Variants in FBLN7 observed in about 807,000 individuals in gnomAD.
FBLN7 encodes fibulin 7, also known as fibulin-7.
A neutral mutation model predicts 44.0 loss-of-function variants in FBLN7; 31 were observed. That is an observed-to-expected ratio of 0.70 (90% CI 0.53 to 0.95). The LOEUF is 0.95. Ranked by LOEUF, FBLN7 falls within the 40% of genes least tolerant of loss-of-function variation. The probability of loss-of-function intolerance (pLI) is 0.00; values close to 1 mark genes in which losing one functional copy is unlikely to be tolerated. For synonymous variants in FBLN7, 262 were observed against 253.4 expected (o/e 1.03, Z -0.32); for missense variants, 573 against 618.5 (o/e 0.93, Z 0.78).
the FBLN7 span, among the ~76,000 whole-genome samples, chr2:112,232,155 C>CA: frequency 6.6e-6 from 1 of 151,604 alleles, no homozygotes; most frequent in Admixed American, 6.6e-5. Flanking sequence ...ACTAAAAATC[C>CA]AAAAAAATTA....
chr2:112,144,155 A>G (rs1384301849), intron 1 of FBLN7, among the ~76,000 whole-genome samples: 1 of 152,196 alleles, frequency 6.6e-6, no homozygotes, highest in African/African-American at 2.4e-5. Context: ...AAAATGTCAA[A>G]TCCTAGAAAT....
Position 112,187,588 on chromosome 2 carries a change from G to T in FBLN7, c.*82G>T. 6.5e-7 allele frequency: 1 copy of T among 1,549,338 alleles called. No homozygotes were observed. ...CTCAGCTTCGGGCACCGACTGCGTGGAGCCTCCCGCCTGTTCCCGCCCTCT... is the reference window on the plus strand; with the variant it reads ...CTCAGCTTCGGGCACCGACTGCGTGTAGCCTCCCGCCTGTTCCCGCCCTCT... On this transcript the variant is annotated 3_prime_UTR_variant, in exon 8 of 8. Transcript: ENST00000331203. The surrounding 1 kb of genome is among the most constrained non-coding windows in gnomAD (Gnocchi z 5.1).
chr2:112,199,035 G>A, the FBLN7 span, among the ~76,000 whole-genome samples: 1 of 152,128 alleles, frequency 6.6e-6, no homozygotes, highest in Non-Finnish European at 1.5e-5. Context: ...ATTAAAGCCA[G>A]GCTCTGCCCT....
chr2:112,139,813 C>A (rs1680536977), intron 1 of FBLN7, among the ~76,000 whole-genome samples: 1 of 64,908 alleles, frequency 1.5e-5, no homozygotes, highest in Non-Finnish European at 3.1e-5. Context: ...AGTGTCCCTC[C>A]CGCCTCTCTC....
intron 2 of FBLN7, among the ~76,000 whole-genome samples, chr2:112,160,738 G>GCACGCA (rs1681758867): frequency 7.4e-6 from 1 of 135,258 alleles, no homozygotes; most frequent in Non-Finnish European, 1.6e-5. Context: ...GCACGCACAC[G>GCACGCA]CACACACGCG....
the FBLN7 span, among the ~76,000 whole-genome samples, chr2:112,235,052 TA>T: frequency 6.6e-6 from 1 of 152,068 alleles, no homozygotes; most frequent in African/African-American, 2.4e-5. Flanking sequence ...ATTTTTACAT[TA>T]AAAAAAGGAA....
At chr2:112,217,902 G>A in the FBLN7 span, among the ~76,000 whole-genome samples, 56 of 152,218 alleles carry the variant, frequency 3.7e-4, no homozygotes, top group South Asian at 0.011. Context: ...GTTTGTGTTT[G>A]TATGTGTGTC....
Position 112,178,940 on chromosome 2 carries a change from C to T in FBLN7, c.533-2799C>T, listed in dbSNP as rs572644346. Among the ~76,000 whole-genome samples the T allele has an allele frequency of 1.2e-4, 18 of 152,148 alleles. No individual in the cohort carries two copies. In the East Asian group the frequency reaches 3.5e-3, roughly 29 times the overall value. On this transcript the variant is annotated intron_variant, in intron 4 of 7. Transcript: ENST00000331203. ...TGAAAACTGGCATAAGACAGGGATG[C>T]CCTTTCTCATCACTTCTATTCAACG...
At chr2:112,220,078 C>T in the FBLN7 span, among the ~76,000 whole-genome samples, 1 of 152,170 alleles carries the variant, frequency 6.6e-6, no homozygotes, top group Non-Finnish European at 1.5e-5. Context: ...AGACAGCATA[C>T]CATTGGGTTT....
At chr2:112,157,144 C>T (rs1681471908) in intron 1 of FBLN7, among the ~76,000 whole-genome samples, 1 of 152,138 alleles carries the variant, frequency 6.6e-6, no homozygotes, top group South Asian at 2.1e-4. Flanking sequence ...CCAAGGCAGG[C>T]AGATCACCTG....
intron 6 of FBLN7, among the ~76,000 whole-genome samples, chr2:112,183,931 C>CCATCACTA (rs1434168281): frequency 6.6e-6 from 1 of 152,118 alleles, no homozygotes; most frequent in African/African-American, 2.4e-5. Flanking sequence ...AGGACAAGTC[C>CCATCACTA]CAGGGACACT....
chr2:112,229,292 T>C, the FBLN7 span, among the ~76,000 whole-genome samples: 1 of 152,222 alleles, frequency 6.6e-6, no homozygotes, highest in African/African-American at 2.4e-5. Context: ...GAGGCCTCTA[T>C]CTGATACCAT....
the FBLN7 span, among the ~76,000 whole-genome samples, chr2:112,243,021 T>G: frequency 6.6e-6 from 1 of 152,222 alleles, no homozygotes; most frequent in Non-Finnish European, 1.5e-5. Context: ...TGCTCAAAGA[T>G]ATGAGGAAAC....
At chr2:112,234,230 T>C in the FBLN7 span, 5 of 1,593,626 alleles carry the variant, frequency 3.1e-6, no homozygotes, top group Non-Finnish European at 3.4e-6. Context: ...TCTTTAGGTT[T>C]ACCATCCTTT....
the FBLN7 span, among the ~76,000 whole-genome samples, chr2:112,226,605 A>AAAAAAAAAAG: frequency 9.3e-4 from 140 of 150,112 alleles, 1 homozygote; most frequent in African/African-American, 3.4e-3. Context: ...AAAAAAAAAA[A>AAAAAAAAAAG]GCTCAGGCCC....
chr2:112,148,290 G>A (rs1403621830), intron 1 of FBLN7, among the ~76,000 whole-genome samples: 2 of 152,148 alleles, frequency 1.3e-5, no homozygotes, highest in Non-Finnish European at 2.9e-5. Flanking sequence ...ATTGACAGGG[G>A]TATCTGCCCT....
At chr2:112,214,591 A>G in the FBLN7 span, 1 of 152,188 alleles carries the variant, frequency 6.6e-6, no homozygotes, top group East Asian at 1.9e-4. Flanking sequence ...TATGGCTACA[A>G]TGGCTAGGTG....
chr2:112,238,428 GA>G, the FBLN7 span: 1 of 1,613,592 alleles, frequency 6.2e-7, no homozygotes, highest in Non-Finnish European at 8.5e-7. Flanking sequence ...ATTATCTTCT[GA>G]TTCCTGACTG....
the FBLN7 span, chr2:112,240,570 T>C: frequency 4.6e-5 from 7 of 152,212 alleles, no homozygotes; most frequent in African/African-American, 1.4e-4. Flanking sequence ...GCCTACAGTA[T>C]TGAAGCAGAC....
Sources: allele counts gnomAD v4.1 joint callset (sites outside exome capture counted in the v4.1 genomes callset), GRCh38; gene constraint gnomAD v4.1.1; non-coding constraint Gnocchi (gnomAD v3.1); transcripts MANE v1.5; gene names NCBI Gene and HGNC (gene_info 2026-07-23, HGNC 2026-07-21).